PLCD1: variants seen among roughly 807,000 people sequenced by gnomAD.
PLCD1 encodes 1-phosphatidylinositol 4,5-bisphosphate phosphodiesterase delta-1.
Under a neutral mutation model 87.4 loss-of-function variants are expected in PLCD1, and 71 were observed. The observed-to-expected ratio is 0.81, with a 90% CI of 0.67 to 0.99. The LOEUF (loss-of-function observed/expected upper bound fraction) is 0.99. Among genes scored for constraint, PLCD1 ranks in the 50% least tolerant of loss-of-function variants. PLCD1 has a pLI of 0.00. For synonymous variants in PLCD1, 348 were observed against 399.2 expected, an observed-to-expected ratio of 0.87 and a Z score of 1.53; for missense variants, 867 against 1,001.5, an observed-to-expected ratio of 0.87 and a Z score of 1.81.
In PLCD1 at chr3:38,011,318, G is replaced by A. The variant is rs373433997; in HGVS notation, c.686C>T (p.Ser229Leu). ...AEAAGSGETL[S>L]VDQLVTFLQH... The stretch of plus-strand genomic sequence containing the variant: ...CAGGAACGTCACTAACTGATCCACC[G>A]ACAGAGTCTCCCCTGAGCCCGCGGC... The change falls in exon 5 of 15, where the codon TCG becomes TTG. Residue 229 changes from serine to leucine, a missense_variant. Coordinates refer to ENST00000334661, the MANE Select transcript of PLCD1 (RefSeq NM_006225.4). The A allele has an allele frequency of 2.7e-5, 44 of 1,612,230 alleles. No homozygotes were observed. The Middle Eastern group carries it at 6.5e-4, about 24-fold the overall frequency.
rs755168912 is a variant in PLCD1 at position 38,011,272 on chromosome 3, C to G, written c.732G>C (p.Glu244Asp). 4 of 1,611,706 alleles carry G rather than the reference C, an allele frequency of 2.5e-6. No individual in the cohort carries two copies. The Admixed American group carries it at 6.7e-5, about 27-fold the overall frequency. ...AGAGGGCCAGCGCAGGCCCTGCCGC[C>G]TCCTCCCGCTGCTGGTGCTGCAGGA... Reference protein sequence around the residue: ...VTFLQHQQREEAAGPALALSL... With the variant: ...VTFLQHQQREDAAGPALALSL... The change falls in exon 5 of 15, where the codon GAG becomes GAC. Residue 244 changes from glutamate (E) to aspartate (D), a missense_variant. Transcript: ENST00000334661.
Position 38,011,499 on chromosome 3 carries a change from A to G in PLCD1, c.558+45T>C, listed in dbSNP as rs192152138. 17 of 1,613,916 alleles carry G rather than the reference A, an allele frequency of 1.1e-5. No homozygotes were observed. The East Asian group carries it at 3.8e-4, about 36-fold the overall frequency. Reference sequence around the variant, plus strand: ...CAGAGCAGGCCTTGGGCCGGGGTCAAGGGCCCCATGGACAGGCAGCCCCAG... The same window carrying G: ...CAGAGCAGGCCTTGGGCCGGGGTCAGGGGCCCCATGGACAGGCAGCCCCAG... On this transcript the variant is annotated intron_variant, in intron 4 of 14. Coordinates refer to ENST00000334661, the MANE Select transcript of PLCD1 (RefSeq NM_006225.4).
chr3:38,018,074 A>G lies in PLCD1; in HGVS notation c.200-1355T>C, dbSNP rs1700183558. ...CTGATAACACCTTTGGCCTCTGGGA[A>G]CCAGAGTCATGGGGGTGGGTAGTAG... On this transcript the variant is annotated intron_variant, in intron 2 of 14. Transcript: ENST00000334661. This position sits in a 1 kb window ranked among gnomAD's most constrained non-coding sequence, Gnocchi z 5.7. 6.6e-6 allele frequency among the ~76,000 whole-genome samples: 1 copy of G among 152,204 alleles called. No homozygotes were observed. Among genetic ancestry groups the G allele is most frequent in the African/African-American group, 2.4e-5 (1 of 41,466 alleles).
intron 2 of PLCD1, among the ~76,000 whole-genome samples, chr3:38,016,999 G>A (rs1170935730): frequency 1.3e-5 from 2 of 152,040 alleles, no homozygotes; most frequent in Non-Finnish European, 2.9e-5. Flanking sequence ...CAGAGAGTGA[G>A]AGAAAGACAG....
intron 3 of PLCD1, among the ~76,000 whole-genome samples, chr3:38,013,243 A>C (rs370911035): frequency 7.1e-5 from 9 of 127,358 alleles, no homozygotes; most frequent in Non-Finnish European, 1.1e-4. Flanking sequence ...GACGGAGTCT[A>C]GCTCTGTCAC....
At chr3:38,011,091 C>T (rs913246153) in intron 5 of PLCD1, 123 bp downstream of exon 5, 11 of 714,124 alleles carry the variant, frequency 1.5e-5, no homozygotes, top group East Asian at 2.7e-5. Flanking sequence ...AGCAGGGCCC[C>T]GGGGCTGGCT....
Position 38,010,573 on chromosome 3 carries a change from G to T in PLCD1, c.791-11C>A. 1 of 1,608,390 alleles carries T rather than the reference G, an allele frequency of 6.2e-7. No individual in the cohort carries two copies. The stretch of plus-strand genomic sequence containing the variant: ...GCCGCTGCGCCTTGGCTGGGAGGGA[G>T]GAGGCCACTGCCCGTCAGAGCCAGC... On this transcript the variant is annotated splice_polypyrimidine_tract_variant and intron_variant, in intron 5 of 14. Coordinates refer to ENST00000334661, the MANE Select transcript of PLCD1 (RefSeq NM_006225.4).
Position 38,009,276 on chromosome 3 carries a change from T to G in PLCD1, c.1602A>C (p.Glu534Asp). 6.2e-7 allele frequency: 1 copy of G among 1,614,052 alleles called. No homozygotes were observed. Among genetic ancestry groups the G allele is most frequent in the Non-Finnish European group, 8.5e-7 (1 of 1,179,996 alleles). Reference protein sequence around the residue: ...SENRALRLLQESGNGFVRHNV... With the variant: ...SENRALRLLQDSGNGFVRHNV... Reference sequence around the variant, plus strand: ...TGGTGGGGAGCCAGGCCTCACCTGATTCTTGGAGCAGTCGAAGGGCACGGT... The same window carrying G: ...TGGTGGGGAGCCAGGCCTCACCTGAGTCTTGGAGCAGTCGAAGGGCACGGT... Residue 534 changes from glutamate to aspartate, a missense_variant, in exon 10 of 15, where the codon GAA (glutamate) becomes GAC (aspartate). Physicochemically the swap from Glu to Asp is conservative, Grantham distance 45. Transcript: ENST00000334661.
In PLCD1 at chr3:38,010,166, C is replaced by G; in HGVS notation, c.1102G>C (p.Asp368His). ...YTFTSKILFC[D>H]VLRAIRDYAF... ...TAGTCCCGGATGGCCCTGAGCACAT[C>G]GCAGAAGAGGATCTTGGAAGTGAAA... The change falls in exon 7 of 15, where the codon GAT (aspartate) becomes CAT (histidine). Residue 368 changes from aspartate (D) to histidine (H), a missense_variant. Transcript: ENST00000334661. 1 of 1,614,250 alleles carries G rather than the reference C, an allele frequency of 6.2e-7. No individual in the cohort carries two copies. Among genetic ancestry groups the G allele is most frequent in the South Asian group, 1.1e-5 (1 of 91,088 alleles).
At chr3:38,021,093 T>C (rs573720044) in intron 1 of PLCD1, among the ~76,000 whole-genome samples, 5 of 152,154 alleles carry the variant, frequency 3.3e-5, no homozygotes, top group East Asian at 1.9e-4. Flanking sequence ...GGTGTCAACA[T>C]TGTGGTTGCT....
At position 38,012,783 on chromosome 3, in the gene PLCD1, C is replaced by T. The variant is rs369536136; in HGVS notation, c.429-1110G>A. ...CCACCCGCCTTGGCCTCCCAAAGTG[C>T]GGGGATTACACGTGTGAGCCACGGC... On this transcript the variant is annotated intron_variant, in intron 3 of 14. Coordinates refer to ENST00000334661, the MANE Select transcript of PLCD1 (RefSeq NM_006225.4). 1.6e-4 allele frequency among the ~76,000 whole-genome samples: 25 copies of T among 152,284 alleles called. No homozygotes were observed. In the South Asian group the frequency reaches 2.7e-3, roughly 16 times the overall value.
chr3:38,016,087 TA>T (rs1314849911), intron 3 of PLCD1, among the ~76,000 whole-genome samples: 6 of 152,292 alleles, frequency 3.9e-5, no homozygotes, highest in Non-Finnish European at 8.8e-5. Context: ...GTTGAAGCCC[TA>T]ATGCCCAACG....
rs1318892414 is a variant in PLCD1 at position 38,018,877 on chromosome 3, C to T, written c.199+1311G>A. The T allele has an allele frequency of 6.6e-6, 1 of 152,572 alleles. No individual in the cohort carries two copies. The highest frequency in any genetic ancestry group is 2.4e-5 in the African/African-American group (1 of 41,468). 9.5% of individuals were successfully genotyped at this position (152,572 alleles called of 1,614,324 possible). ...AGAATGTTCTGGAGCCCCTACCCCTCAGACCCTGCCCTGCCCAGAAATCTT... is the reference window on the plus strand; with the variant it reads ...AGAATGTTCTGGAGCCCCTACCCCTTAGACCCTGCCCTGCCCAGAAATCTT... On this transcript the variant is annotated intron_variant, in intron 2 of 14. Coordinates refer to ENST00000334661, the MANE Select transcript of PLCD1 (RefSeq NM_006225.4). This position sits in a 1 kb window ranked among gnomAD's most constrained non-coding sequence, Gnocchi z 5.7.
rs966462112 is a variant in PLCD1 at position 38,010,043 on chromosome 3, T to C, written c.1148A>G (p.Tyr383Cys). 6.2e-6 allele frequency: 10 copies of C among 1,613,944 alleles called. No homozygotes were observed. The Admixed American group carries it at 1.7e-4, about 27-fold the overall frequency. Residue 383 changes from tyrosine (Y) to cysteine (C), a missense_variant, in exon 8 of 15, where the codon TAC becomes TGC. Coordinates refer to ENST00000334661, the MANE Select transcript of PLCD1 (RefSeq NM_006225.4). ...GTTCTCCAGGGATAGGATGACAGGG[T>C]AGGGGGACGCCTGGAGGCCCAAGGG... ...IRDYAFKASP[Y>C]PVILSLENHC...
In PLCD1 at chr3:38,011,240, A is replaced by T. The variant is rs757283793; in HGVS notation, c.764T>A (p.Ile255Asn). Residue 255 changes from isoleucine to asparagine, a missense_variant, in exon 5 of 15, where the codon ATT (isoleucine) becomes AAT (asparagine). Transcript: ENST00000334661. ...AGTCTCGCTGGGCTCGTAGCGCTCA[A>T]TGAGGGAGAGGGCCAGCGCAGGCCC... ...AAGPALALSLIERYEPSETAK... is the reference protein window; with the variant it reads ...AAGPALALSLNERYEPSETAK... 1 of 1,610,714 alleles carries T rather than the reference A, an allele frequency of 6.2e-7. No homozygotes were observed. Among genetic ancestry groups the T allele is most frequent in the Non-Finnish European group, 8.5e-7 (1 of 1,179,868 alleles).
At chr3:38,024,497 T>C in intron 1 of PLCD1, 1 of 1,558,668 alleles carries the variant, frequency 6.4e-7, no homozygotes, top group Non-Finnish European at 8.7e-7. Flanking sequence ...TCCAGTGTTT[T>C]ATGCTCACAA....
intron 1 of PLCD1, among the ~76,000 whole-genome samples, chr3:38,023,864 C>T (rs1700268871): frequency 6.6e-6 from 1 of 150,490 alleles, no homozygotes; most frequent in Non-Finnish European, 1.5e-5. Context: ...CATCATTACA[C>T]ACTGTACAGT....
chr3:38,020,185 C>T lies in PLCD1; in HGVS notation c.199+3G>A. 1.2e-6 allele frequency: 2 copies of T among 1,613,476 alleles called. No individual in the cohort carries two copies. Among genetic ancestry groups the T allele is most frequent in the South Asian group, 1.1e-5 (1 of 91,072 alleles). Reference sequence around the variant, plus strand: ...CCCTCCCCTGTGACCCCAGGGCACTCACACAGCTGGGACTCCGGGGTCCGC... The same window carrying T: ...CCCTCCCCTGTGACCCCAGGGCACTTACACAGCTGGGACTCCGGGGTCCGC... On this transcript the variant is annotated splice_donor_region_variant and intron_variant, in intron 2 of 14. Coordinates refer to ENST00000334661, the MANE Select transcript of PLCD1 (RefSeq NM_006225.4).
chr3:38,011,728 G>A (rs1212068269), intron 3 of PLCD1, 55 bp from the exon 4 acceptor site: 19 of 1,599,708 alleles, frequency 1.2e-5, no homozygotes, highest in African/African-American at 5.4e-5. Context: ...CAAGGTCCCA[G>A]CCAGAGCCAT....
Sources: allele counts gnomAD v4.1 joint callset (sites outside exome capture counted in the v4.1 genomes callset), GRCh38; gene constraint gnomAD v4.1.1; non-coding constraint Gnocchi (gnomAD v3.1); transcripts MANE v1.5; gene names NCBI Gene and HGNC (gene_info 2026-07-23, HGNC 2026-07-21).